The following CFAP52 variants were observed in gnomAD, a reference collection of about 807,000 sequenced individuals.
CFAP52 encodes cilia- and flagella-associated protein 52.
In CFAP52, 57 loss-of-function variants were observed where a neutral mutation model predicts 70.5. The observed-to-expected ratio is 0.81, with a 90% CI of 0.65 to 1.01. CFAP52 has a LOEUF of 1.01. Ranked by LOEUF, CFAP52 falls within the 50% of genes least tolerant of loss-of-function variation. The probability of loss-of-function intolerance (pLI) is 0.00; values close to 1 mark genes in which losing one functional copy is unlikely to be tolerated. For missense variants in CFAP52, 785 were observed against 788.5 expected (o/e 1.00, Z 0.05); for synonymous variants, 267 against 292.5 (o/e 0.91, Z 0.89).
chr17:9,633,308 G>A (rs1369346175), intron 10 of CFAP52, among the ~76,000 whole-genome samples: 1 of 152,052 alleles, frequency 6.6e-6, no homozygotes, highest in Non-Finnish European at 1.5e-5. Context: ...GGGTTCAAGC[G>A]ATTCTCCTGC....
intron 9 of CFAP52, among the ~76,000 whole-genome samples, chr17:9,631,881 C>A (rs1041118724): frequency 2.4e-4 from 36 of 151,298 alleles, no homozygotes; most frequent in Non-Finnish European, 4.4e-5. Context: ...GATTCTCCTG[C>A]CTCAGCCTCC....
chr17:9,623,670 T>TTTTGTTTGTTTG (rs112696029), intron 8 of CFAP52, among the ~76,000 whole-genome samples: 6 of 150,942 alleles, frequency 4.0e-5, no homozygotes, highest in African/African-American at 7.4e-5. Flanking sequence ...GCTTAGCTTT[T>TTTTGTTTGTTTG]TTTGTTTGTT....
At chr17:9,635,339 G>T in intron 10 of CFAP52, 66 bp from the exon 11 acceptor site, 2 of 1,582,200 alleles carry the variant, frequency 1.3e-6, no homozygotes. Context: ...AAAGCTCTTG[G>T]AATCTTTTCC....
At chr17:9,595,550 G>C (rs1908961711) in intron 4 of CFAP52, among the ~76,000 whole-genome samples, 1 of 151,980 alleles carries the variant, frequency 6.6e-6, no homozygotes, top group Non-Finnish European at 1.5e-5. Flanking sequence ...GTTTTATAGG[G>C]TTCTTTCTGC....
intron 1 of CFAP52, among the ~76,000 whole-genome samples, chr17:9,578,816 G>A (rs1294831178): frequency 6.6e-6 from 1 of 152,216 alleles, no homozygotes; most frequent in Non-Finnish European, 1.5e-5. Flanking sequence ...AAAGTGCTGG[G>A]ATTACAGGCT....
chr17:9,586,028 G>C, intron 2 of CFAP52, 56 bp downstream of exon 2: 1 of 1,553,654 alleles, frequency 6.4e-7, no homozygotes, highest in Non-Finnish European at 8.8e-7. Context: ...CTCCCTAGAA[G>C]AACTGCCCCA....
intron 13 of CFAP52, 104 bp downstream of exon 13, chr17:9,641,939 A>C: frequency 5.0e-5 from 47 of 932,232 alleles, no homozygotes; most frequent in Non-Finnish European, 5.3e-5. Flanking sequence ...AAAGGGTCTC[A>C]AGGCAACTTG....
chr17:9,638,949 C>T (rs1242683602), intron 12 of CFAP52: 1 of 506,906 alleles, frequency 2.0e-6, no homozygotes, highest in African/African-American at 1.9e-5. Flanking sequence ...CATGCTTGCT[C>T]ATGGTGCTTA....
intron 11 of CFAP52, among the ~76,000 whole-genome samples, chr17:9,636,245 AAGAAAGAG>A (rs767892841): frequency 0.053 from 6,859 of 129,054 alleles, 564 homozygotes; most frequent in East Asian, 0.23. Flanking sequence ...GAAAGAAAGA[AAGAAAGAG>A]AAAGAAAAAT....
chr17:9,606,509 A>C (rs1450010347), intron 6 of CFAP52, among the ~76,000 whole-genome samples: 1 of 152,224 alleles, frequency 6.6e-6, no homozygotes, highest in Non-Finnish European at 1.5e-5. Flanking sequence ...ATAAACGCCT[A>C]ATGAGATAGG....
At chr17:9,597,472 T>G (rs1280750070) in intron 4 of CFAP52, 2 of 152,148 alleles carry the variant, frequency 1.3e-5, no homozygotes, top group Non-Finnish European at 2.9e-5. Context: ...AACATCATGA[T>G]GTACACCATA....
rs761266784 is a variant in CFAP52 at position 9,635,507 on chromosome 17, G to C, written c.1423G>C (p.Glu475Gln). 4 of 1,614,206 alleles carry C rather than the reference G, an allele frequency of 2.5e-6. No homozygotes were observed. The highest frequency in any genetic ancestry group is 3.3e-5 in the Admixed American group (2 of 60,028). Residue 475 changes from glutamate to glutamine, a missense_variant, in exon 11 of 14, where the codon GAG (glutamate) becomes CAG (glutamine). By Grantham distance (29) the Glu-to-Gln change is conservative. Coordinates refer to ENST00000352665, the MANE Select transcript of CFAP52 (RefSeq NM_145054.5). ...CATTAGGGTGAAGAGGAACAACGAG[G>C]AGTGTGTCACCGCCAGCACCGATGG... ...SCIRVKRNNE[E>Q]CVTASTDGTC...
rs750092965 is a variant in CFAP52, at chr17:9,643,080, T to C, written c.1745T>C (p.Val582Ala). 2 of 1,612,478 alleles carry C rather than the reference T, an allele frequency of 1.2e-6. No individual in the cohort carries two copies. Among genetic ancestry groups the C allele is most frequent in the Non-Finnish European group, 1.7e-6 (2 of 1,179,422 alleles). The stretch of plus-strand genomic sequence containing the variant: ...TATAATGAGGGTGAAGTGACTCACG[T>C]TGGGGTGGGACACAGTGGCAACATC... ...WDYNEGEVTH[V>A]GVGHSGNITR... Residue 582 changes from valine to alanine, a missense_variant, in exon 14 of 14, where the codon GTT becomes GCT. By Grantham distance (64) the Val-to-Ala change is moderately conservative. Transcript: ENST00000352665.
intron 10 of CFAP52, among the ~76,000 whole-genome samples, chr17:9,633,496 T>C (rs903036820): frequency 9.2e-5 from 14 of 151,678 alleles, no homozygotes; most frequent in African/African-American, 3.4e-4. Flanking sequence ...TGAGCAACCA[T>C]GCCTGGCCTA....
At chr17:9,596,793 G>A (rs980544243) in intron 4 of CFAP52, among the ~76,000 whole-genome samples, 4 of 151,604 alleles carry the variant, frequency 2.6e-5, no homozygotes, top group African/African-American at 7.3e-5. Context: ...TCGGCTCACT[G>A]CAACCTCCAC....
intron 3 of CFAP52, among the ~76,000 whole-genome samples, chr17:9,588,667 C>T (rs1024271558): frequency 1.3e-5 from 2 of 152,148 alleles, no homozygotes; most frequent in Non-Finnish European, 2.9e-5. Context: ...TTCAATTTCA[C>T]CCCATTCAGT....
chr17:9,609,999 G>T (rs1284500091), intron 7 of CFAP52, among the ~76,000 whole-genome samples: 1 of 152,024 alleles, frequency 6.6e-6, no homozygotes. Context: ...TGGAGAGAGA[G>T]AGAGAGAGAG....
chr17:9,630,990 AAAAGAAAGAAAGAAAG>A (rs1183878434), intron 9 of CFAP52, among the ~76,000 whole-genome samples: 17 of 97,582 alleles, frequency 1.7e-4, no homozygotes, highest in Admixed American at 1.4e-3. Flanking sequence ...CATCTCAAAA[AAAAGAAAGAAAGAAAG>A]AAAGAAAGAA....
intron 3 of CFAP52, among the ~76,000 whole-genome samples, chr17:9,587,487 C>A (rs538089088): frequency 2.6e-5 from 4 of 152,230 alleles, no homozygotes; most frequent in Admixed American, 1.3e-4. Flanking sequence ...CTCCCACCAA[C>A]AGTACCTAAG....
Sources: allele counts gnomAD v4.1 joint callset (sites outside exome capture counted in the v4.1 genomes callset), GRCh38; gene constraint gnomAD v4.1.1; transcripts MANE v1.5; gene names NCBI Gene and HGNC (gene_info 2026-07-23, HGNC 2026-07-21).